Variants in MCPH1 observed in about 807,000 individuals in gnomAD.
MCPH1 encodes the protein microcephalin.
A neutral mutation model predicts 84.5 loss-of-function variants in MCPH1; 104 were observed. The ratio of observed to expected loss-of-function variants is 1.23; its 90% CI spans 1.05 to 1.45. MCPH1 has a LOEUF of 1.45. Ranked by LOEUF, MCPH1 falls within the 40% of genes most tolerant of loss-of-function variation. MCPH1 has a pLI of 0.00. For missense variants in MCPH1, 1,498 were observed against 1,005.7 expected (o/e 1.49, Z -6.62); for synonymous variants, 514 against 366.8 (o/e 1.40, Z -4.58).
In MCPH1 at chr8:6,592,172, A is replaced by T. The variant is rs80165355; in HGVS notation, c.2215-29282A>T. 0.031 allele frequency among the ~76,000 whole-genome samples: 4,686 copies of T among 152,176 alleles called. 419 individuals are homozygous for T. In the East Asian group the frequency reaches 0.35, roughly 11 times the overall value. ...TGGTTATTATTATTATTATTATTTG[A>T]GACAGGACCTTGTTCTGTCACCCAA... is the stretch of plus-strand genomic sequence containing the variant. On this transcript the variant is annotated intron_variant, in intron 12 of 13. Coordinates refer to ENST00000344683, the MANE Select transcript of MCPH1 (RefSeq NM_024596.5).
intron 13 of MCPH1, among the ~76,000 whole-genome samples, chr8:6,631,275 G>A (rs1197484945): frequency 6.6e-6 from 1 of 152,086 alleles, no homozygotes; most frequent in East Asian, 1.9e-4. Flanking sequence ...AGAAAGAGGT[G>A]GGCACAGCTC....
chr8:6,418,603 A>C lies in MCPH1; in HGVS notation c.233+3720A>C, dbSNP rs530568290. On this transcript the variant is annotated intron_variant, in intron 3 of 13. Transcript: ENST00000344683. Reference sequence around the variant, plus strand: ...TTTTTATTTTATCATTTTTTTTTTGAGACGGAGTCTCGCTCTGTCGCCAGG... The same window carrying C: ...TTTTTATTTTATCATTTTTTTTTTGCGACGGAGTCTCGCTCTGTCGCCAGG... Among the ~76,000 whole-genome samples the C allele has an allele frequency of 7.9e-5, 12 of 151,774 alleles. No homozygotes were observed. The South Asian group carries it at 2.1e-3, about 26-fold the overall frequency.
chr8:6,517,086 T>G (rs2129568360), intron 12 of MCPH1, among the ~76,000 whole-genome samples: 1 of 152,326 alleles, frequency 6.6e-6, no homozygotes, highest in South Asian at 2.1e-4. Flanking sequence ...AAAGATAGTG[T>G]TCAAATAGAG....
At chr8:6,601,711 C>A (rs1214728168) in intron 12 of MCPH1, among the ~76,000 whole-genome samples, 3 of 143,274 alleles carry the variant, frequency 2.1e-5, no homozygotes, top group Non-Finnish European at 4.5e-5. Flanking sequence ...ACAACACACA[C>A]CACACACACA....
intron 1 of MCPH1, 130 bp from the exon 2 acceptor site, chr8:6,409,149 G>C: frequency 1.3e-6 from 1 of 777,548 alleles, no homozygotes; most frequent in Non-Finnish European, 2.2e-6. Flanking sequence ...GCCTCCCACA[G>C]TGCTGGGATT....
At chr8:6,414,283 C>T (rs572982906) in intron 2 of MCPH1, among the ~76,000 whole-genome samples, 3 of 152,352 alleles carry the variant, frequency 2.0e-5, no homozygotes, top group African/African-American at 7.2e-5. Context: ...GCTGGGATTA[C>T]AGGCATGAGC....
At chr8:6,570,280 C>G (rs1826547661) in intron 12 of MCPH1, among the ~76,000 whole-genome samples, 1 of 152,080 alleles carries the variant, frequency 6.6e-6, no homozygotes, top group African/African-American at 2.4e-5. Context: ...AAATAGCTGG[C>G]CCGATATATT....
intron 12 of MCPH1, among the ~76,000 whole-genome samples, chr8:6,575,904 G>A (rs1827042154): frequency 6.6e-6 from 1 of 152,096 alleles, no homozygotes; most frequent in Admixed American, 6.6e-5. Context: ...ATCCTGCCTC[G>A]TGGCTTTGGC....
At chr8:6,467,466 G>C (rs192361185) in intron 9 of MCPH1, among the ~76,000 whole-genome samples, 248 of 152,112 alleles carry the variant, frequency 1.6e-3, no homozygotes, top group Middle Eastern at 6.8e-3. Context: ...TGTGTCTTTT[G>C]TCCTTTTTTT....
intron 3 of MCPH1, among the ~76,000 whole-genome samples, chr8:6,417,162 C>A (rs888893590): frequency 2.6e-5 from 4 of 151,994 alleles, no homozygotes; most frequent in African/African-American, 9.7e-5. Context: ...TCGTTTTTGG[C>A]CATTATTTCT....
At chr8:6,496,623 CTATGGTGGGCGGTAT>C (rs1218241898) in intron 11 of MCPH1, among the ~76,000 whole-genome samples, 1 of 150,462 alleles carries the variant, frequency 6.6e-6, no homozygotes, top group Non-Finnish European at 1.5e-5. Context: ...GGGTGGTAAG[CTATGGTGGGCGGTAT>C]GCTTGGATAA....
chr8:6,582,867 A>G (rs73509257), intron 12 of MCPH1, among the ~76,000 whole-genome samples: 4,210 of 152,258 alleles, frequency 0.028, 196 homozygotes, highest in African/African-American at 0.095. Flanking sequence ...CAGCCCCACA[A>G]GTGTCGCAGC....
intron 12 of MCPH1, among the ~76,000 whole-genome samples, chr8:6,569,115 G>T (rs1309492751): frequency 1.3e-5 from 2 of 152,130 alleles, no homozygotes; most frequent in Non-Finnish European, 2.9e-5. Context: ...AAAACCATTA[G>T]AAGGTTAGCT....
intron 12 of MCPH1, chr8:6,621,050 T>G (rs1831358832): frequency 3.2e-6 from 1 of 314,974 alleles, no homozygotes; most frequent in Non-Finnish European, 6.1e-6. Context: ...AATGACGCTC[T>G]CCCAGCACAG....
chr8:6,523,265 GGGATTACA>G (rs1817709637), intron 12 of MCPH1, among the ~76,000 whole-genome samples: 1 of 152,114 alleles, frequency 6.6e-6, no homozygotes, highest in Non-Finnish European at 1.5e-5. Context: ...CCAAAGTGCT[GGGATTACA>G]GGCATGAGCC....
At chr8:6,481,778 C>T (rs2922813) in intron 11 of MCPH1, among the ~76,000 whole-genome samples, 90,929 of 151,646 alleles carry the variant, frequency 0.6, 30,185 homozygotes, top group East Asian at 0.78. Context: ...GCATTGGTGG[C>T]AATGGGGGAT....
At chr8:6,464,248 C>T (rs1051565853) in intron 9 of MCPH1, among the ~76,000 whole-genome samples, 1 of 152,114 alleles carries the variant, frequency 6.6e-6, no homozygotes, top group Non-Finnish European at 1.5e-5. Flanking sequence ...GCAGAGTGTA[C>T]CCAGAGCTGG....
intron 12 of MCPH1, among the ~76,000 whole-genome samples, chr8:6,583,496 T>A (rs1445533979): frequency 1.3e-5 from 2 of 152,138 alleles, no homozygotes; most frequent in Admixed American, 6.5e-5. Flanking sequence ...AGGGAAGAGA[T>A]CAAGTGTGTG....
chr8:6,469,128 C>T (rs1005498673), intron 9 of MCPH1, among the ~76,000 whole-genome samples: 1 of 151,972 alleles, frequency 6.6e-6, no homozygotes, highest in African/African-American at 2.4e-5. Flanking sequence ...TGCTCTGAGC[C>T]GTGATTGTAC....
Sources: allele counts gnomAD v4.1 joint callset (sites outside exome capture counted in the v4.1 genomes callset), GRCh38; gene constraint gnomAD v4.1.1; transcripts MANE v1.5; gene names NCBI Gene and HGNC (gene_info 2026-07-23, HGNC 2026-07-21).